ZNF138: variants seen among roughly 807,000 people sequenced by gnomAD.
The protein encoded by ZNF138 is zinc finger protein 138.
A neutral mutation model predicts 33.0 loss-of-function variants in ZNF138; 33 were observed. That is an observed-to-expected ratio of 1.00 (90% CI 0.76 to 1.34). The LOEUF (loss-of-function observed/expected upper bound fraction) is 1.34, where lower values mean the gene tolerates loss of function less well. Among genes scored for constraint, ZNF138 ranks in the 40% most tolerant of loss-of-function variants. The pLI, the probability that ZNF138 is intolerant of heterozygous loss-of-function variation, is 0.00. For synonymous variants in ZNF138, 139 were observed against 120.4 expected (o/e 1.15, Z -1.01); for missense variants, 360 against 370.8 (o/e 0.97, Z 0.24).
chr7:64,795,206 G>A (rs1049316536), intron 1 of ZNF138, among the ~76,000 whole-genome samples: 4 of 152,186 alleles, frequency 2.6e-5, no homozygotes, highest in Admixed American at 1.3e-4. Flanking sequence ...GGTTAAACAT[G>A]AATTTTATTT....
At chr7:64,794,771 C>G (rs1786553158) in intron 1 of ZNF138, among the ~76,000 whole-genome samples, 200 bp downstream of exon 1, 1 of 152,178 alleles carries the variant, frequency 6.6e-6, no homozygotes, top group African/African-American at 2.4e-5. Context: ...GGCGTCCTGT[C>G]TCCTCCCTGC....
At chr7:64,846,659 G>C in the ZNF138 span, among the ~76,000 whole-genome samples, 1 of 152,266 alleles carries the variant, frequency 6.6e-6, no homozygotes, top group South Asian at 2.1e-4. Context: ...GAGCTTTTTG[G>C]AGGAGTCTTT....
chr7:64,821,799 C>T (rs1789165908), intron 3 of ZNF138, among the ~76,000 whole-genome samples: 1 of 151,522 alleles, frequency 6.6e-6, no homozygotes, highest in Non-Finnish European at 1.5e-5. Context: ...CCTGCCTTGG[C>T]CTCCCAAAGT....
At chr7:64,837,025 A>C (rs1790388006), downstream of ZNF138, 1 of 152,250 alleles carries the variant, frequency 6.6e-6, no homozygotes. Context: ...ACAGATTTTC[A>C]GGCCAGCGAA....
Position 64,827,921 on chromosome 7 carries a change from A to AGT in ZNF138, c.209-3526_209-3525dup, listed in dbSNP as rs140732024. On this transcript the variant is annotated intron_variant, in intron 3 of 3. Transcript: ENST00000307355. ...TATTTATCTCTGTACAATTTAAGAC[A>AGT]GTGTGGAGCAAAGTCAAATATGAAC... is the stretch of plus-strand genomic sequence containing the variant. 2.5e-4 allele frequency among the ~76,000 whole-genome samples: 38 copies of AGT among 152,260 alleles called. No homozygotes were observed. In the East Asian group the frequency reaches 7.1e-3, roughly 29 times the overall value.
At chr7:64,852,968 T>C in the ZNF138 span, 2 of 1,397,356 alleles carry the variant, frequency 1.4e-6, no homozygotes, top group Non-Finnish European at 2.0e-6. Flanking sequence ...GTTGGTCATT[T>C]TATTACTGAC....
intron 1 of ZNF138, among the ~76,000 whole-genome samples, chr7:64,802,298 G>A (rs1787197933): frequency 6.6e-6 from 1 of 152,158 alleles, no homozygotes; most frequent in African/African-American, 2.4e-5. Flanking sequence ...AGGAATCTCA[G>A]ATAGCAGACT....
intron 1 of ZNF138, 95 bp downstream of exon 1, chr7:64,794,666 T>G: frequency 6.3e-7 from 1 of 1,580,186 alleles, no homozygotes; most frequent in Middle Eastern, 1.7e-4. Context: ...CTTCCCGCAG[T>G]CGGCTGCAAA....
intron 3 of ZNF138, among the ~76,000 whole-genome samples, chr7:64,817,380 C>G (rs1055412105): frequency 6.6e-6 from 1 of 152,182 alleles, no homozygotes; most frequent in Non-Finnish European, 1.5e-5. Flanking sequence ...TGGGCCATTT[C>G]TTGGTATGTA....
At position 64,833,476 on chromosome 7, in the gene ZNF138, C is replaced by CT. The variant is rs1195843159; in HGVS notation, c.*1275dup. The CT allele has an allele frequency of 2.5e-5, 4 of 159,524 alleles. No individual in the cohort carries two copies. The highest frequency in any genetic ancestry group is 2.5e-4 in the Admixed American group (4 of 15,998). The allele number at this position is 159,524 out of a possible 1,614,324, so 9.9% of individuals were successfully genotyped here. A position where few individuals can be genotyped will look rare whatever the true frequency, so the allele number is the denominator to read the frequency against. On this transcript the variant is annotated 3_prime_UTR_variant, in exon 4 of 4. Coordinates refer to ENST00000307355, the MANE Select transcript of ZNF138 (RefSeq NM_001271639.2). ...TTGATTGTAGGTAAGATAATTCATA[C>CT]TGGCAGAAACTCCCAGAAGTGTGAA...
chr7:64,844,311 GC>G, the ZNF138 span, among the ~76,000 whole-genome samples: 1 of 152,208 alleles, frequency 6.6e-6, no homozygotes, highest in Admixed American at 6.5e-5. Context: ...CAGGGTTTGG[GC>G]ATAACATGAG....
chr7:64,835,805 TTGAG>T (rs1240490310), downstream of ZNF138: 1 of 151,966 alleles, frequency 6.6e-6, no homozygotes, highest in Non-Finnish European at 1.5e-5. Flanking sequence ...GATGTTTGGA[TTGAG>T]TGGGTGAGGG....
chr7:64,798,081 C>T (rs759117031), intron 1 of ZNF138, among the ~76,000 whole-genome samples: 1 of 152,148 alleles, frequency 6.6e-6, no homozygotes, highest in Non-Finnish European at 1.5e-5. Flanking sequence ...GCTGGGATTA[C>T]AGCCGCCCAC....
chr7:64,826,011 A>AT (rs1441305108), intron 3 of ZNF138, among the ~76,000 whole-genome samples: 3 of 151,346 alleles, frequency 2.0e-5, no homozygotes, highest in Admixed American at 6.6e-5. Flanking sequence ...TTATTTATGT[A>AT]TTTTTTGTAG....
intron 1 of ZNF138, among the ~76,000 whole-genome samples, chr7:64,797,379 TCCC>T (rs1437188434): frequency 2.0e-5 from 3 of 152,242 alleles, no homozygotes; most frequent in African/African-American, 4.8e-5. Flanking sequence ...AAAATTTCCT[TCCC>T]TTATATAAAC....
the ZNF138 span, among the ~76,000 whole-genome samples, chr7:64,859,565 A>G: frequency 6.6e-6 from 1 of 152,248 alleles, no homozygotes; most frequent in African/African-American, 2.4e-5. Flanking sequence ...GAATTTTTCA[A>G]ATACATTCAC....
At chr7:64,809,088 T>G (rs1417913347) in intron 1 of ZNF138, among the ~76,000 whole-genome samples, 2 of 110,778 alleles carry the variant, frequency 1.8e-5, no homozygotes, top group African/African-American at 3.2e-5. Context: ...CCGTTCTCAA[T>G]GAGCTGTTGG....
the ZNF138 span, among the ~76,000 whole-genome samples, chr7:64,851,668 T>C: frequency 6.6e-6 from 1 of 152,224 alleles, no homozygotes; most frequent in South Asian, 2.1e-4. Flanking sequence ...CTTGTAGCAC[T>C]ATAAAATACC....
At chr7:64,849,094 G>GTC in the ZNF138 span, among the ~76,000 whole-genome samples, 2 of 152,174 alleles carry the variant, frequency 1.3e-5, no homozygotes, top group South Asian at 4.1e-4. Context: ...CCGAGGGAGT[G>GTC]TCTAAGTGTC....
Sources: allele counts gnomAD v4.1 joint callset (sites outside exome capture counted in the v4.1 genomes callset), GRCh38; gene constraint gnomAD v4.1.1; transcripts MANE v1.5; gene names NCBI Gene and HGNC (gene_info 2026-07-23, HGNC 2026-07-21).